The following FAM118B variants were observed in gnomAD, a reference collection of about 807,000 sequenced individuals.
The protein encoded by FAM118B is protein FAM118B.
Under a neutral mutation model 38.5 loss-of-function variants are expected in FAM118B, and 24 were observed. The observed-to-expected ratio is 0.62, with a 90% confidence interval of 0.45 to 0.88. The LOEUF (loss-of-function observed/expected upper bound fraction) is 0.88, where lower values mean the gene tolerates loss of function less well. Among genes scored for constraint, FAM118B ranks in the 40% least tolerant of loss-of-function variants. FAM118B has a pLI of 0.00. For missense variants in FAM118B, 334 were observed against 420.0 expected, an observed-to-expected ratio of 0.80 and a Z score of 1.79; for synonymous variants, 138 against 156.3, an observed-to-expected ratio of 0.88 and a Z score of 0.87.
At chr11:126,219,314 T>A (rs969845926) in intron 1 of FAM118B, among the ~76,000 whole-genome samples, 24 of 151,654 alleles carry the variant, frequency 1.6e-4, no homozygotes, top group African/African-American at 5.8e-4. Context: ...TTTTCCTCGT[T>A]TATTTTGGAA....
At chr11:126,238,645 T>G (rs1296529979) in intron 3 of FAM118B, among the ~76,000 whole-genome samples, 1 of 152,188 alleles carries the variant, frequency 6.6e-6, no homozygotes, top group African/African-American at 2.4e-5. Flanking sequence ...AGTCCTCTGG[T>G]CAACCTCTGC....
intron 3 of FAM118B, among the ~76,000 whole-genome samples, chr11:126,239,902 C>A (rs1432320644): frequency 1.3e-5 from 2 of 152,146 alleles, no homozygotes; most frequent in Non-Finnish European, 2.9e-5. Context: ...AACCAGGTTT[C>A]CCAAGGCTTG....
rs1950580319 is a variant in FAM118B at position 126,256,459 on chromosome 11, T to G, written c.697-108T>G. On this transcript the variant is annotated intron_variant, in intron 6 of 8. Transcript: ENST00000533050. This position sits in a 1 kb window ranked among gnomAD's most constrained non-coding sequence, Gnocchi z 6.6. ...TGGGACATACCAACCCACTTAAGTC[T>G]TGCTTAATTGGTCATCACAGTCTGC... The G allele has an allele frequency of 2.1e-6, 2 of 971,072 alleles. No homozygotes were observed. The highest frequency in any genetic ancestry group is 3.0e-6 in the Non-Finnish European group (2 of 656,092). The allele number at this position is 971,072 out of a possible 1,614,324, so 60.2% of individuals were successfully genotyped here.
intron 1 of FAM118B, among the ~76,000 whole-genome samples, chr11:126,213,366 T>A (rs1949918448): frequency 6.6e-6 from 1 of 152,196 alleles, no homozygotes; most frequent in African/African-American, 2.4e-5. Flanking sequence ...CAGATACAAA[T>A]GCAAAGATTT....
rs184777792 is a variant in FAM118B, at chr11:126,229,291, A to C, written c.-10A>C. On this transcript the variant is annotated splice_region_variant and 5_prime_UTR_variant, in exon 2 of 9. Coordinates refer to ENST00000533050, the MANE Select transcript of FAM118B (RefSeq NM_024556.4). ...AAAGAAAGAAGTTGTCATTCTTTGC[A>C]CGGTAAAATCATCACCTCCAGTCAC... 5.3e-5 allele frequency: 8 copies of C among 152,344 alleles called. No individual in the cohort carries two copies. The highest frequency in any genetic ancestry group is 3.9e-4 in the Admixed American group (6 of 15,302). 9.4% of individuals were successfully genotyped at this position (152,344 alleles called of 1,614,324 possible). A position where few individuals can be genotyped will look rare whatever the true frequency, so the allele number is the denominator to read the frequency against.
At chr11:126,212,432 A>G (rs1397084831) in intron 1 of FAM118B, among the ~76,000 whole-genome samples, 2 of 152,032 alleles carry the variant, frequency 1.3e-5, no homozygotes, top group African/African-American at 4.8e-5. Context: ...CAACCACACC[A>G]TACCTCCTCT....
rs1473528565 is a variant in FAM118B at position 126,250,677 on chromosome 11, T to C, written c.511T>C (p.Tyr171His). ...AAATTTTGATAATCTCTTGGAACTG[T>C]ATGCAGCAGATCAGGGGAAACAGCT... ...TTNFDNLLEL[Y>H]AADQGKQLES... is the part of the protein sequence containing the mutation. The change falls in exon 5 of 9, where the codon TAT becomes CAT. Residue 171 changes from tyrosine to histidine, a missense_variant. Tyr to His is a moderately conservative substitution (Grantham distance 83, BLOSUM62 2). Around this residue, in one of 3 missense-constraint regions of FAM118B, gnomAD observed 240 missense variants for 295.9 expected, o/e 0.81. Transcript: ENST00000533050. This position sits in a 1 kb window ranked among gnomAD's most constrained non-coding sequence, Gnocchi z 5.1. 7.4e-6 allele frequency: 12 copies of C among 1,614,054 alleles called. No individual in the cohort carries two copies. The highest frequency in any genetic ancestry group is 1.0e-5 in the Non-Finnish European group (12 of 1,180,030).
chr11:126,219,687 TTCCTC>T (rs1409889022), intron 1 of FAM118B, among the ~76,000 whole-genome samples: 1 of 152,112 alleles, frequency 6.6e-6, no homozygotes, highest in Non-Finnish European at 1.5e-5. Flanking sequence ...GTTTTATGGA[TTCCTC>T]AGGAGTCTCG....
intron 1 of FAM118B, among the ~76,000 whole-genome samples, chr11:126,227,187 C>T (rs1476102140): frequency 2.0e-5 from 3 of 150,688 alleles, no homozygotes; most frequent in Non-Finnish European, 2.9e-5. Context: ...CTCAGCCTCT[C>T]GAATAGCTGG....
At chr11:126,242,085 A>G (rs955860794) in intron 4 of FAM118B, among the ~76,000 whole-genome samples, 2 of 151,982 alleles carry the variant, frequency 1.3e-5, no homozygotes, top group Admixed American at 1.3e-4. Context: ...ATCTCCATAC[A>G]CTTTATAAAA....
rs1950476825 is a variant in FAM118B, at chr11:126,250,049, C to T, written c.340-457C>T. On this transcript the variant is annotated intron_variant, in intron 4 of 8. Coordinates refer to ENST00000533050, the MANE Select transcript of FAM118B (RefSeq NM_024556.4). This position sits in a 1 kb window ranked among gnomAD's most constrained non-coding sequence, Gnocchi z 5.1. Reference sequence around the variant, plus strand: ...CACTTGGCATGTATCATCTCATCTTCCTTATTACGTTCGTATGAGATAGAT... The same window carrying T: ...CACTTGGCATGTATCATCTCATCTTTCTTATTACGTTCGTATGAGATAGAT... Among the ~76,000 whole-genome samples the T allele has an allele frequency of 6.6e-6, 1 of 151,824 alleles. No homozygotes were observed. The highest frequency in any genetic ancestry group is 1.5e-5 in the Non-Finnish European group (1 of 68,008).
Position 126,250,641 on chromosome 11 carries a change from G to A in FAM118B, c.475G>A (p.Val159Ile), listed in dbSNP as rs776979718. 13 of 1,613,988 alleles carry A rather than the reference G, an allele frequency of 8.1e-6. No individual in the cohort carries two copies. In the South Asian group the frequency reaches 1.1e-4, roughly 14 times the overall value. Residue 159 changes from valine to isoleucine, a missense_variant, in exon 5 of 9, where the codon GTA becomes ATA. Physicochemically the swap from Val to Ile is conservative, Grantham distance 29. Transcript: ENST00000533050. The surrounding 1 kb of genome is among the most constrained non-coding windows in gnomAD (Gnocchi z 5.1). ...CCACCTGATGGAAAATGGAGCCCTC[G>A]TATTAACTACAAATTTTGATAATCT... ...VLHLMENGAL[V>I]LTTNFDNLLE...
intron 5 of FAM118B, among the ~76,000 whole-genome samples, chr11:126,251,854 G>A (rs1950508662): frequency 6.8e-6 from 1 of 148,068 alleles, no homozygotes; most frequent in African/African-American, 2.5e-5. Flanking sequence ...GGCTAATTTT[G>A]TATTTTTGGT....
At position 126,254,356 on chromosome 11, in the gene FAM118B, G is replaced by A. The variant is rs773622705; in HGVS notation, c.619G>A (p.Gly207Arg). The change falls in exon 6 of 9, where the codon GGA becomes AGA. Residue 207 changes from glycine to arginine, a missense_variant. By Grantham distance (125) the Gly-to-Arg change is moderately radical. Coordinates refer to ENST00000533050, the MANE Select transcript of FAM118B (RefSeq NM_024556.4). ...TAAGCTGAGCGTGTTGCATATTCAC[G>A]GAGTCTACACCAACCCTAGTGGCAT... The part of the protein sequence containing the change: ...KRKLSVLHIH[G>R]VYTNPSGIVL... The A allele has an allele frequency of 1.7e-5, 28 of 1,614,036 alleles. No individual in the cohort carries two copies. Among genetic ancestry groups the A allele is most frequent in the Middle Eastern group, 1.6e-4 (1 of 6,084 alleles).
chr11:126,235,495 A>G lies in FAM118B; in HGVS notation c.86+408A>G, dbSNP rs1469943789. ...CCACACACTCTCCCCATGTTCTTGTATGTTTGTGTCACAGTGTTTGGTTCA... is the reference window on the plus strand; with the variant it reads ...CCACACACTCTCCCCATGTTCTTGTGTGTTTGTGTCACAGTGTTTGGTTCA... On this transcript the variant is annotated intron_variant, in intron 3 of 8. Coordinates refer to ENST00000533050, the MANE Select transcript of FAM118B (RefSeq NM_024556.4). Among the ~76,000 whole-genome samples, 3 of 151,594 alleles carry G rather than the reference A, an allele frequency of 2.0e-5. No individual in the cohort carries two copies. The East Asian group carries it at 5.8e-4, about 29-fold the overall frequency.
chr11:126,261,155 GAAATGTAAAATGTA>G, intron 7 of FAM118B: 1 of 364,604 alleles, frequency 2.7e-6, no homozygotes. Context: ...GCCTGTATGT[GAAATGTAAAATGTA>G]AAATGTAAAA....
chr11:126,249,724 T>C (rs149458879), intron 4 of FAM118B, among the ~76,000 whole-genome samples: 3 of 88,384 alleles, frequency 3.4e-5, no homozygotes, highest in Admixed American at 1.9e-4. Context: ...AGAATGAGAC[T>C]CCGTCTCAAA....
chr11:126,254,266 G>A (rs557908204), intron 5 of FAM118B, 39 bp from the exon 6 acceptor site: 1 of 1,603,288 alleles, frequency 6.2e-7, no homozygotes, highest in East Asian at 2.2e-5. Context: ...CAGGTGCTCA[G>A]CCCTGCCAAG....
chr11:126,257,049 G>A (rs1340227565), intron 7 of FAM118B, among the ~76,000 whole-genome samples, 197 bp downstream of exon 7: 1 of 152,190 alleles, frequency 6.6e-6, no homozygotes, highest in Non-Finnish European at 1.5e-5. Context: ...AGGAATACTT[G>A]AGCAGTTCAA....
Sources: allele counts gnomAD v4.1 joint callset (sites outside exome capture counted in the v4.1 genomes callset), GRCh38; gene constraint gnomAD v4.1.1; regional missense constraint gnomAD v4.1.1; non-coding constraint Gnocchi (gnomAD v3.1); transcripts MANE v1.5; gene names NCBI Gene and HGNC (gene_info 2026-07-23, HGNC 2026-07-21).